TRPM3: variants seen among roughly 807,000 people sequenced by gnomAD.
TRPM3 encodes the protein long transient receptor potential channel 3.
In TRPM3, 77 loss-of-function variants were observed where a neutral mutation model predicts 181.2. The ratio of observed to expected loss-of-function variants is 0.42; its 90% CI spans 0.35 to 0.51. The LOEUF is 0.51. TRPM3 is among the 20% of genes least tolerant of loss of function. The probability of loss-of-function intolerance (pLI) is 0.01; values close to 1 mark genes in which losing one functional copy is unlikely to be tolerated. For missense variants in TRPM3, 1,759 were observed against 2,196.7 expected, an observed-to-expected ratio of 0.80 and a Z score of 3.98; for synonymous variants, 745 against 796.4, an observed-to-expected ratio of 0.94 and a Z score of 1.09.
intron 1 of TRPM3, among the ~76,000 whole-genome samples, chr9:71,347,664 C>G (rs1162914775): frequency 1.3e-5 from 2 of 152,072 alleles, no homozygotes; most frequent in African/African-American, 4.8e-5. Flanking sequence ...GCCTGTAACT[C>G]CAGAACTTTG....
At chr9:71,439,848 C>T (rs2094109207) in intron 1 of TRPM3, among the ~76,000 whole-genome samples, 1 of 152,074 alleles carries the variant, frequency 6.6e-6, no homozygotes, top group Admixed American at 6.6e-5. Flanking sequence ...AGGCTGGGCG[C>T]AGTGGCTCAC....
intron 1 of TRPM3, among the ~76,000 whole-genome samples, chr9:71,137,624 T>G (rs1437114415): frequency 1.3e-5 from 2 of 152,190 alleles, no homozygotes; most frequent in African/African-American, 2.4e-5. Flanking sequence ...ATTTTCTAAA[T>G]GGAAAAGCAC....
At chr9:70,854,821 C>T (rs2095343508) in intron 3 of TRPM3, among the ~76,000 whole-genome samples, 1 of 152,186 alleles carries the variant, frequency 6.6e-6, no homozygotes, top group African/African-American at 2.4e-5. Context: ...CAAGAATGTT[C>T]TGTATGAACT....
At chr9:71,143,927 G>A (rs1446963136) in intron 1 of TRPM3, among the ~76,000 whole-genome samples, 1 of 152,056 alleles carries the variant, frequency 6.6e-6, no homozygotes, top group African/African-American at 2.4e-5. Flanking sequence ...TTGATTTGCA[G>A]TTCTCTAATG....
At chr9:70,745,697 A>G (rs913821827) in intron 8 of TRPM3, among the ~76,000 whole-genome samples, 4 of 152,206 alleles carry the variant, frequency 2.6e-5, no homozygotes, top group African/African-American at 9.6e-5. Flanking sequence ...TCTTATGACT[A>G]TAAGTAGGCC....
chr9:71,272,210 A>T (rs1372349141), intron 1 of TRPM3, among the ~76,000 whole-genome samples: 3 of 152,174 alleles, frequency 2.0e-5, no homozygotes, highest in African/African-American at 7.2e-5. Context: ...AAAAATTTTT[A>T]ATGTCTAAGA....
chr9:71,271,852 G>C (rs936152530), intron 1 of TRPM3, among the ~76,000 whole-genome samples: 1 of 152,092 alleles, frequency 6.6e-6, no homozygotes, highest in Non-Finnish European at 1.5e-5. Flanking sequence ...AGACATGAAA[G>C]AAAGGGGCAA....
At chr9:71,032,009 T>TA (rs2057426947) in intron 1 of TRPM3, among the ~76,000 whole-genome samples, 1 of 136 alleles carries the variant, frequency 7.4e-3, no homozygotes, top group Admixed American at 0.12. Context: ...AATTATATAA[T>TA]ATATAATATA....
At chr9:70,895,607 G>T (rs1589607250) in intron 1 of TRPM3, among the ~76,000 whole-genome samples, 1 of 152,242 alleles carries the variant, frequency 6.6e-6, no homozygotes, top group Non-Finnish European at 1.5e-5. Context: ...TGAGCAAAGA[G>T]AATTCTTTTA....
At chr9:71,069,387 C>T (rs1019382503) in intron 1 of TRPM3, among the ~76,000 whole-genome samples, 1 of 152,136 alleles carries the variant, frequency 6.6e-6, no homozygotes, top group Admixed American at 6.5e-5. Flanking sequence ...CCATGTTGGC[C>T]AGGGTGGTCT....
chr9:71,271,188 C>A (rs1020109577), intron 1 of TRPM3, among the ~76,000 whole-genome samples: 1 of 152,160 alleles, frequency 6.6e-6, no homozygotes, highest in African/African-American at 2.4e-5. Context: ...CACTCAGGGG[C>A]AAACGAACCT....
intron 8 of TRPM3, among the ~76,000 whole-genome samples, chr9:70,751,097 T>A (rs974937567): frequency 1.3e-5 from 2 of 152,000 alleles, no homozygotes; most frequent in Non-Finnish European, 2.9e-5. Context: ...ACAGAATACA[T>A]GCAATTAGAC....
intron 1 of TRPM3, among the ~76,000 whole-genome samples, chr9:71,277,589 G>A (rs2084322215): frequency 6.6e-6 from 1 of 151,980 alleles, no homozygotes; most frequent in Non-Finnish European, 1.5e-5. Flanking sequence ...ATTACAAGGT[G>A]GCAAAAAGTG....
chr9:71,246,082 G>A (rs1017250734), intron 1 of TRPM3, among the ~76,000 whole-genome samples: 13 of 152,136 alleles, frequency 8.5e-5, no homozygotes, highest in African/African-American at 3.1e-4. Flanking sequence ...TACTTGGATT[G>A]GGGGTTTGGG....
At chr9:70,809,757 C>G (rs140963085) in intron 6 of TRPM3, among the ~76,000 whole-genome samples, 5 of 152,314 alleles carry the variant, frequency 3.3e-5, no homozygotes, top group African/African-American at 1.2e-4. Flanking sequence ...TCTTTGCTTC[C>G]TTTTCAAGTC....
intron 22 of TRPM3, among the ~76,000 whole-genome samples, chr9:70,559,079 A>T (rs2048418389): frequency 6.6e-6 from 1 of 152,216 alleles, no homozygotes; most frequent in Non-Finnish European, 1.5e-5. Context: ...AATGTTTTTC[A>T]TACATAAACT....
rs978375439 is a variant in TRPM3, at chr9:71,185,811, T to C, written c.183+260842A>G. On this transcript the variant is annotated intron_variant, in intron 1 of 24. Coordinates refer to the TRPM3 transcript ENST00000357533. ...CTCTGATGAGCCGGAGCACCTTACA[T>C]AGAATGGACGTGTGCATGTGAAAAG... Among the ~76,000 whole-genome samples the C allele has an allele frequency of 1.9e-4, 29 of 152,180 alleles. 1 individual carries two copies. The highest frequency in any genetic ancestry group is 3.3e-4 in the Admixed American group (5 of 15,262).
At chr9:71,032,157 TTATATAA>T (rs1164647600) in intron 1 of TRPM3, among the ~76,000 whole-genome samples, 1 of 104,888 alleles carries the variant, frequency 9.5e-6, no homozygotes, top group African/African-American at 3.5e-5. Flanking sequence ...ATACTATATA[TTATATAA>T]TATATTATAT....
At chr9:71,405,029 T>C (rs911021612) in intron 1 of TRPM3, among the ~76,000 whole-genome samples, 4 of 152,210 alleles carry the variant, frequency 2.6e-5, no homozygotes, top group African/African-American at 9.6e-5. Context: ...TATTTCTACA[T>C]TGTGCTATAA....
Sources: gnomAD v4.1 joint callset for allele counts (sites outside exome capture counted in the v4.1 genomes callset) on GRCh38, gnomAD v4.1.1 for gene constraint, MANE v1.5 for transcripts, NCBI Gene and HGNC (gene_info 2026-07-23, HGNC 2026-07-21) for gene names.